CADM2: variants seen among roughly 807,000 people sequenced by gnomAD.
The protein encoded by CADM2 is cell adhesion molecule 2.
In CADM2, 12 loss-of-function variants were observed where a neutral mutation model predicts 49.8. The observed-to-expected ratio is 0.24, with a 90% CI of 0.15 to 0.39. The LOEUF (loss-of-function observed/expected upper bound fraction) is 0.39. CADM2 is among the 10% of genes least tolerant of loss of function. The pLI is 1.00. For synonymous variants in CADM2, 214 were observed against 175.4 expected (o/e 1.22, Z -1.74); for missense variants, 378 against 492.3 (o/e 0.77, Z 2.20).
At chr3:84,965,767 C>T (rs1179575063) in intron 1 of CADM2, among the ~76,000 whole-genome samples, 1 of 152,110 alleles carries the variant, frequency 6.6e-6, no homozygotes, top group Non-Finnish European at 1.5e-5. Context: ...CTTATTAGAG[C>T]ATTTCCTGTA....
intron 1 of CADM2, among the ~76,000 whole-genome samples, chr3:85,015,861 A>G (rs577533975): frequency 6.6e-6 from 1 of 152,272 alleles, no homozygotes; most frequent in East Asian, 1.9e-4. Flanking sequence ...TGAAACTAGC[A>G]GGAATGCGAA....
intron 1 of CADM2, among the ~76,000 whole-genome samples, chr3:84,977,626 G>A (rs2031904312): frequency 6.6e-6 from 1 of 152,014 alleles, no homozygotes; most frequent in African/African-American, 2.4e-5. Flanking sequence ...GTGAATCTCA[G>A]ATACTCCTCT....
intron 1 of CADM2, among the ~76,000 whole-genome samples, chr3:85,691,540 G>T (rs969941497): frequency 2.0e-5 from 3 of 152,140 alleles, no homozygotes; most frequent in Non-Finnish European, 4.4e-5. Flanking sequence ...CTGTAAACTA[G>T]TTCAACCATT....
intron 1 of CADM2, among the ~76,000 whole-genome samples, chr3:85,569,701 C>CAA (rs781598979): frequency 0.32 from 36,529 of 113,694 alleles, 5,333 homozygotes; most frequent in East Asian, 0.5. Context: ...TTTCTAATGG[C>CAA]AAAAAAAAAA....
chr3:85,251,330 A>G (rs746646280), intron 1 of CADM2, among the ~76,000 whole-genome samples: 15 of 151,912 alleles, frequency 9.9e-5, no homozygotes, highest in Non-Finnish European at 2.1e-4. Flanking sequence ...ATTATGACAT[A>G]TTCTGTGGTC....
chr3:85,675,380 A>C (rs534099473), intron 1 of CADM2, among the ~76,000 whole-genome samples: 5 of 152,176 alleles, frequency 3.3e-5, no homozygotes, highest in Non-Finnish European at 7.4e-5. Flanking sequence ...CTTACTTTTA[A>C]ATGTAGCTAT....
intron 1 of CADM2, among the ~76,000 whole-genome samples, chr3:84,996,438 A>G (rs1465923480): frequency 6.6e-6 from 1 of 152,064 alleles, no homozygotes; most frequent in Non-Finnish European, 1.5e-5. Flanking sequence ...TCTATTATCA[A>G]CTGTCTGGAC....
intron 1 of CADM2, among the ~76,000 whole-genome samples, chr3:84,994,755 G>T (rs893746406): frequency 6.6e-6 from 1 of 152,122 alleles, no homozygotes; most frequent in African/African-American, 2.4e-5. Context: ...TCGGCTGGGC[G>T]TGGTGCCTCA....
chr3:85,464,268 C>A (rs1168122123), intron 1 of CADM2, among the ~76,000 whole-genome samples: 2 of 152,022 alleles, frequency 1.3e-5, no homozygotes, highest in African/African-American at 4.8e-5. Flanking sequence ...ATTTCCTTTT[C>A]TCTTGTGATC....
intron 1 of CADM2, among the ~76,000 whole-genome samples, chr3:85,238,162 A>G (rs75940049): frequency 0.035 from 5,396 of 152,062 alleles, 119 homozygotes; most frequent in Middle Eastern, 0.058. Flanking sequence ...TTAATTTGCA[A>G]TTAAATATTT....
intron 1 of CADM2, among the ~76,000 whole-genome samples, chr3:85,308,171 G>T (rs1388954952): frequency 6.6e-6 from 1 of 151,756 alleles, no homozygotes; most frequent in Non-Finnish European, 1.5e-5. Context: ...CAGAAAATTT[G>T]CATTAAAATT....
At chr3:85,984,815 T>A (rs1162038927) in intron 8 of CADM2, among the ~76,000 whole-genome samples, 1 of 151,982 alleles carries the variant, frequency 6.6e-6, no homozygotes, top group Non-Finnish European at 1.5e-5. Flanking sequence ...TAGTTTTACA[T>A]CAGTCTTTGA....
At chr3:85,981,341 A>G (rs1727461691) in intron 8 of CADM2, among the ~76,000 whole-genome samples, 1 of 151,480 alleles carries the variant, frequency 6.6e-6, no homozygotes, top group Admixed American at 6.6e-5. Flanking sequence ...GATTTGGTCT[A>G]TTGCATTTTT....
chr3:85,397,226 GA>G (rs2034835852), intron 1 of CADM2, among the ~76,000 whole-genome samples: 1 of 152,118 alleles, frequency 6.6e-6, no homozygotes, highest in African/African-American at 2.4e-5. Flanking sequence ...CATACATTAA[GA>G]AGGCTATTAT....
chr3:86,009,284 C>T (rs1027591912), intron 8 of CADM2, among the ~76,000 whole-genome samples: 7 of 149,310 alleles, frequency 4.7e-5, no homozygotes, highest in Admixed American at 4.0e-4. Flanking sequence ...ATGGTATATA[C>T]GTACCTACAA....
intron 1 of CADM2, among the ~76,000 whole-genome samples, chr3:85,677,808 C>T (rs1473740493): frequency 6.6e-6 from 1 of 152,120 alleles, no homozygotes; most frequent in Non-Finnish European, 1.5e-5. Flanking sequence ...CAGTGCTCTT[C>T]TCATCACTAG....
chr3:85,053,748 A>C (rs2035972020), intron 1 of CADM2, among the ~76,000 whole-genome samples: 1 of 151,920 alleles, frequency 6.6e-6, no homozygotes, highest in African/African-American at 2.4e-5. Flanking sequence ...AAACTAGATG[A>C]ACTTAAATGT....
intron 1 of CADM2, among the ~76,000 whole-genome samples, chr3:85,175,949 G>T (rs2040773462): frequency 1.9e-4 from 15 of 78,602 alleles, no homozygotes; most frequent in South Asian, 4.2e-4. Flanking sequence ...TTTTTTTTGA[G>T]ACGGAGTCTC....
chr3:85,341,184 T>A (rs2107193086), intron 1 of CADM2, among the ~76,000 whole-genome samples: 1 of 151,972 alleles, frequency 6.6e-6, no homozygotes, highest in African/African-American at 2.4e-5. Flanking sequence ...TAAGCATATT[T>A]GTTTAATCTG....
Sources: allele counts gnomAD v4.1 joint callset (sites outside exome capture counted in the v4.1 genomes callset), GRCh38; gene constraint gnomAD v4.1.1; transcripts MANE v1.5; gene names NCBI Gene and HGNC (gene_info 2026-07-23, HGNC 2026-07-21).